EPHB1: variants seen among roughly 807,000 people sequenced by gnomAD.
EPHB1 encodes the protein ephrin type-B receptor 1.
In EPHB1, 30 loss-of-function variants were observed where a neutral mutation model predicts 94.4. The ratio of observed to expected loss-of-function variants is 0.32; its 90% CI spans 0.24 to 0.43. EPHB1 has a LOEUF of 0.43. Among genes scored for constraint, EPHB1 ranks in the 20% least tolerant of loss-of-function variants. The probability of loss-of-function intolerance (pLI) is 1.00; values close to 1 mark genes in which losing one functional copy is unlikely to be tolerated. For synonymous variants in EPHB1, 522 were observed against 489.1 expected, an observed-to-expected ratio of 1.07 and a Z score of -0.89; for missense variants, 1,055 against 1,308.3, an observed-to-expected ratio of 0.81 and a Z score of 2.99.
At chr3:135,051,084 C>T (rs183148583) in intron 3 of EPHB1, among the ~76,000 whole-genome samples, 2 of 152,290 alleles carry the variant, frequency 1.3e-5, no homozygotes, top group Admixed American at 6.5e-5. Flanking sequence ...TTAGGTATTT[C>T]CTTATGGCAA....
chr3:135,002,068 A>T (rs1299692398), intron 3 of EPHB1, among the ~76,000 whole-genome samples: 1 of 152,192 alleles, frequency 6.6e-6, no homozygotes, highest in Non-Finnish European at 1.5e-5. Context: ...TGGTATATAT[A>T]TTGAATGGCA....
intron 3 of EPHB1, among the ~76,000 whole-genome samples, chr3:135,060,626 C>T (rs1937470999): frequency 1.3e-5 from 2 of 151,842 alleles, no homozygotes; most frequent in Admixed American, 1.3e-4. Context: ...TGATAGCATT[C>T]TTTTTAAAAC....
At chr3:134,892,463 A>T (rs1231011681) in intron 1 of EPHB1, among the ~76,000 whole-genome samples, 1 of 152,236 alleles carries the variant, frequency 6.6e-6, no homozygotes, top group Non-Finnish European at 1.5e-5. Flanking sequence ...CTGTCTTAAG[A>T]AGAGGTTCCC....
chr3:134,882,766 C>CTTTCTTTCTTT (rs765038409), intron 1 of EPHB1, among the ~76,000 whole-genome samples: 1,173 of 17,074 alleles, frequency 0.069, 67 homozygotes, highest in Admixed American at 0.1. Flanking sequence ...TCCTTCCTTC[C>CTTTCTTTCTTT]TTTCTTTCTT....
intron 3 of EPHB1, chr3:134,978,012 G>A (rs904664690): frequency 4.4e-6 from 2 of 455,230 alleles, no homozygotes; most frequent in Admixed American, 4.7e-5. Context: ...ATTGACATTG[G>A]AGGAGCCTGG....
At chr3:134,882,380 T>C (rs1294853330) in intron 1 of EPHB1, among the ~76,000 whole-genome samples, 1 of 152,224 alleles carries the variant, frequency 6.6e-6, no homozygotes, top group Non-Finnish European at 1.5e-5. Context: ...AATGCTCATA[T>C]TCCTCAAAGC....
chr3:135,117,901 TG>T (rs1246790538), intron 4 of EPHB1, among the ~76,000 whole-genome samples: 1 of 150,548 alleles, frequency 6.6e-6, no homozygotes, highest in Non-Finnish European at 1.5e-5. Flanking sequence ...TGAAGCCAGG[TG>T]CAGGCTGTCT....
rs36130 is a variant in EPHB1, at chr3:134,958,405, C to T, written c.805+6353C>T. On this transcript the variant is annotated intron_variant, in intron 3 of 15. Coordinates refer to ENST00000398015, the MANE Select transcript of EPHB1 (RefSeq NM_004441.5). ...AGCTGCTGAAAGAGAAGGTGAGGAA[C>T]ACAAGGGAGTGTGTGTGTGTGTGTG... is the stretch of plus-strand genomic sequence containing the variant. Among the ~76,000 whole-genome samples, 1,002 of 135,840 alleles carry T rather than the reference C, an allele frequency of 7.4e-3. 15 individuals carry two copies. Among genetic ancestry groups the T allele is most frequent in the African/African-American group, 0.029 (957 of 33,478 alleles). 89.1% of individuals were successfully genotyped at this position (135,840 alleles called of 152,430 possible). A position where few individuals can be genotyped will look rare whatever the true frequency, so the allele number is the denominator to read the frequency against.
At chr3:134,973,788 G>A (rs1195205025) in intron 3 of EPHB1, among the ~76,000 whole-genome samples, 1 of 152,198 alleles carries the variant, frequency 6.6e-6, no homozygotes, top group Non-Finnish European at 1.5e-5. Context: ...CCAAGGGTTG[G>A]TAGGAGTGGG....
At position 134,925,844 on chromosome 3, in the gene EPHB1, T is replaced by C; in HGVS notation, c.87T>C (p.Thr29=). The C allele has an allele frequency of 6.2e-7, 1 of 1,605,190 alleles. No individual in the cohort carries two copies. Among genetic ancestry groups the C allele is most frequent in the Admixed American group, 1.7e-5 (1 of 59,020 alleles). Residue 29 remains threonine, a synonymous_variant, in exon 2 of 16, where the codon ACT becomes ACC. Coordinates refer to ENST00000398015, the MANE Select transcript of EPHB1 (RefSeq NM_004441.5). ...CGTTAATGGACACCAGAACGGCTAC[T>C]GCAGAGCTGGGCTGGACGGCCAATC... The part of the protein sequence containing the change: ...EETLMDTRTA[T]AELGWTANPA...
At position 135,068,204 on chromosome 3, in the gene EPHB1, G is replaced by T. The variant is rs114273200; in HGVS notation, c.806-38244G>T. On this transcript the variant is annotated intron_variant, in intron 3 of 15. Coordinates refer to ENST00000398015, the MANE Select transcript of EPHB1 (RefSeq NM_004441.5). ...TGCTCTGTCTGTCCAAGACAGAGCT[G>T]CGATCTAGCCCTGCCTCCCATCTGC... Among the ~76,000 whole-genome samples the T allele has an allele frequency of 6.4e-3, 972 of 152,182 alleles. 11 individuals are homozygous for T. Among genetic ancestry groups the T allele is most frequent in the African/African-American group, 0.023 (936 of 41,518 alleles).
rs147156517 is a variant in EPHB1, at chr3:134,865,755, T to A, written c.59-60061T>A. 5.3e-5 allele frequency among the ~76,000 whole-genome samples: 8 copies of A among 151,822 alleles called. No individual in the cohort carries two copies. The East Asian group carries it at 1.2e-3, about 22-fold the overall frequency. On this transcript the variant is annotated intron_variant, in intron 1 of 15. Transcript: ENST00000398015. The stretch of plus-strand genomic sequence containing the variant: ...CAAACAAGCAAGATGCAAAACAGAG[T>A]GTTTCATACGTTACCTTTTGGATGA...
chr3:135,113,074 G>A (rs115217988), intron 4 of EPHB1, among the ~76,000 whole-genome samples: 2,517 of 152,330 alleles, frequency 0.017, 30 homozygotes, highest in Middle Eastern at 0.031. Context: ...GAGGTAGTCT[G>A]TGTTCTCCTT....
intron 3 of EPHB1, among the ~76,000 whole-genome samples, chr3:134,973,238 C>T (rs564025585): frequency 1.3e-5 from 2 of 152,272 alleles, no homozygotes; most frequent in East Asian, 3.9e-4. Context: ...GCTGTGTTCA[C>T]TGGCTCCCTT....
chr3:135,156,182 A>G (rs577470366), intron 6 of EPHB1, among the ~76,000 whole-genome samples: 2 of 152,132 alleles, frequency 1.3e-5, no homozygotes, highest in Admixed American at 1.3e-4. Context: ...TTCAGTGTCT[A>G]AAATGCTTGT....
intron 3 of EPHB1, among the ~76,000 whole-genome samples, chr3:135,086,105 C>T (rs1938351276): frequency 6.6e-6 from 1 of 152,154 alleles, no homozygotes; most frequent in Non-Finnish European, 1.5e-5. Context: ...TGTTGTTCTA[C>T]TCCACACAAA....
At chr3:135,224,273 T>C in intron 12 of EPHB1, among the ~76,000 whole-genome samples, 1 of 152,220 alleles carries the variant, frequency 6.6e-6, no homozygotes, top group East Asian at 1.9e-4. Context: ...TCCACTGATT[T>C]TCTTTGCCTT....
At chr3:135,035,994 A>G (rs776812438) in intron 3 of EPHB1, among the ~76,000 whole-genome samples, 8 of 152,204 alleles carry the variant, frequency 5.3e-5, no homozygotes, top group Admixed American at 1.3e-4. Context: ...GCTAACATTC[A>G]TTTATCTATC....
chr3:134,973,915 C>A (rs898875924), intron 3 of EPHB1, among the ~76,000 whole-genome samples: 5 of 152,060 alleles, frequency 3.3e-5, no homozygotes, highest in Non-Finnish European at 7.4e-5. Flanking sequence ...TACCTTATTC[C>A]TTTAGGGAAA....
Sources: gnomAD v4.1 joint callset for allele counts (sites outside exome capture counted in the v4.1 genomes callset) on GRCh38, gnomAD v4.1.1 for gene constraint, MANE v1.5 for transcripts, NCBI Gene and HGNC (gene_info 2026-07-23, HGNC 2026-07-21) for gene names.